The following CHMP5 variants were observed in gnomAD, a reference collection of about 807,000 sequenced individuals.
The protein encoded by CHMP5 is charged multivesicular body protein 5.
A neutral mutation model predicts 33.0 loss-of-function variants in CHMP5; 17 were observed. The observed-to-expected ratio is 0.52, with a 90% CI of 0.35 to 0.77. The LOEUF is 0.77. Among genes scored for constraint, CHMP5 ranks in the 30% least tolerant of loss-of-function variants. The pLI is 0.01. For synonymous variants in CHMP5, 76 were observed against 90.2 expected (o/e 0.84, Z 0.89); for missense variants, 216 against 261.5 (o/e 0.83, Z 1.20).
intron 5 of CHMP5, among the ~76,000 whole-genome samples, chr9:33,272,787 A>G (rs982184518): frequency 3.3e-5 from 5 of 151,762 alleles, no homozygotes; most frequent in Non-Finnish European, 7.4e-5. Flanking sequence ...GCGACAGAGC[A>G]AGACTCCGTC....
chr9:33,269,641 C>G (rs2118020396), intron 3 of CHMP5, among the ~76,000 whole-genome samples: 1 of 152,282 alleles, frequency 6.6e-6, no homozygotes, highest in South Asian at 2.1e-4. Flanking sequence ...AATTTCACTT[C>G]TGTATATTTA....
At position 33,271,237 on chromosome 9, in the gene CHMP5, T is replaced by A. The variant is rs1251078673; in HGVS notation, c.387+14T>A. On this transcript the variant is annotated intron_variant, in intron 5 of 7. Coordinates refer to ENST00000223500, the MANE Select transcript of CHMP5 (RefSeq NM_016410.6). ...GACCAGATTGAGGTGAGACATATGC[T>A]AGTTTCTGCAAGAATGTGCACTAGT... is the stretch of plus-strand genomic sequence containing the variant. 6.2e-7 allele frequency: 1 copy of A among 1,605,274 alleles called. No individual in the cohort carries two copies. The highest frequency in any genetic ancestry group is 1.1e-5 in the South Asian group (1 of 90,856).
At chr9:33,279,080 A>C (rs1003176834) in intron 7 of CHMP5, among the ~76,000 whole-genome samples, 1 of 152,126 alleles carries the variant, frequency 6.6e-6, no homozygotes, top group Non-Finnish European at 1.5e-5. Flanking sequence ...GCGCGCCAAC[A>C]TGCCTGGCTA....
At chr9:33,275,258 A>G (rs1334640160) in intron 5 of CHMP5, among the ~76,000 whole-genome samples, 1 of 152,216 alleles carries the variant, frequency 6.6e-6, no homozygotes, top group Non-Finnish European at 1.5e-5. Flanking sequence ...TTTGGTATAG[A>G]CAGACATCCT....
intron 2 of CHMP5, among the ~76,000 whole-genome samples, chr9:33,267,225 C>T (rs990980692): frequency 2.0e-5 from 3 of 152,174 alleles, no homozygotes; most frequent in Non-Finnish European, 4.4e-5. Context: ...GAAGGCTTTT[C>T]CCAGCCATCT....
At chr9:33,274,761 G>T (rs374992133) in intron 5 of CHMP5, among the ~76,000 whole-genome samples, 1 of 152,036 alleles carries the variant, frequency 6.6e-6, no homozygotes, top group South Asian at 2.1e-4. Context: ...GATTACAGGC[G>T]CATGCCACCA....
chr9:33,269,699 G>T (rs992987486), intron 3 of CHMP5, among the ~76,000 whole-genome samples: 6 of 152,156 alleles, frequency 3.9e-5, no homozygotes, highest in Non-Finnish European at 8.8e-5. Flanking sequence ...AGCAGGCCGG[G>T]TGCGGTGGCT....
At chr9:33,270,772 C>A in intron 4 of CHMP5, 56 bp downstream of exon 4, 3 of 1,417,794 alleles carry the variant, frequency 2.1e-6, no homozygotes, top group South Asian at 2.3e-5. Flanking sequence ...ATTCTCTTTT[C>A]CGATGGCTTT....
rs199564550 is a variant in CHMP5, at chr9:33,276,567, A to G, written c.496+3A>G. On this transcript the variant is annotated splice_donor_region_variant and intron_variant, in intron 6 of 7. Coordinates refer to ENST00000223500, the MANE Select transcript of CHMP5 (RefSeq NM_016410.6). ...GGATGAAGATGATTTAGAAGCAGGT[A>G]AGTTATGAGAAAAGTAATGTATATT... The G allele has an allele frequency of 1.7e-5, 26 of 1,533,366 alleles. No homozygotes were observed. Among genetic ancestry groups the G allele is most frequent in the Middle Eastern group, 3.4e-4 (2 of 5,954 alleles). 95.0% of individuals were successfully genotyped at this position (1,533,366 alleles called of 1,614,324 possible). A position where few individuals can be genotyped will look rare whatever the true frequency, so the allele number is the denominator to read the frequency against.
intron 4 of CHMP5, 81 bp from the exon 5 acceptor site, chr9:33,271,071 C>CAAAT (rs1034537668): frequency 1.7e-4 from 201 of 1,155,320 alleles, no homozygotes; most frequent in Admixed American, 9.4e-4. Flanking sequence ...AACTCTGTCT[C>CAAAT]AAATAAATAA....
At chr9:33,266,436 C>T (rs952134652) in intron 2 of CHMP5, among the ~76,000 whole-genome samples, 16 of 152,168 alleles carry the variant, frequency 1.1e-4, no homozygotes, top group South Asian at 4.1e-4. Flanking sequence ...CACACCATAG[C>T]ACTCTAGCCC....
At chr9:33,273,272 A>G (rs1820816409) in intron 5 of CHMP5, among the ~76,000 whole-genome samples, 1 of 147,154 alleles carries the variant, frequency 6.8e-6, no homozygotes, top group Non-Finnish European at 1.5e-5. Flanking sequence ...ACTCCCAGCC[A>G]TTTTTTTTTT....
At chr9:33,267,956 T>A (rs1820747485) in intron 3 of CHMP5, 57 bp downstream of exon 3, 2 of 1,151,840 alleles carry the variant, frequency 1.7e-6, no homozygotes, top group East Asian at 4.7e-5. Flanking sequence ...AGAAATGGTC[T>A]TCCATTCCTT....
intron 3 of CHMP5, among the ~76,000 whole-genome samples, chr9:33,269,474 A>G (rs1820767826): frequency 6.6e-6 from 1 of 152,146 alleles, no homozygotes. Flanking sequence ...ACTATACTCC[A>G]GCCTGGGCAA....
intron 2 of CHMP5, among the ~76,000 whole-genome samples, chr9:33,266,812 C>T (rs1820733216): frequency 6.6e-6 from 1 of 152,178 alleles, no homozygotes; most frequent in Non-Finnish European, 1.5e-5. Context: ...CTGAACTAGG[C>T]ATCTGGGACC....
chr9:33,266,965 C>T (rs1820734835), intron 2 of CHMP5, among the ~76,000 whole-genome samples: 1 of 152,138 alleles, frequency 6.6e-6, no homozygotes, highest in African/African-American at 2.4e-5. Flanking sequence ...TTTCCAGATC[C>T]ATAACTTATT....
chr9:33,271,418 C>T (rs1446682845), intron 5 of CHMP5, among the ~76,000 whole-genome samples, 195 bp downstream of exon 5: 1 of 152,210 alleles, frequency 6.6e-6, no homozygotes, highest in Non-Finnish European at 1.5e-5. Flanking sequence ...CATACAGTTA[C>T]AGACAGTCCC....
At position 33,280,059 on chromosome 9, in the gene CHMP5, C is replaced by A. The variant is rs1036488444; in HGVS notation, c.610-750C>A. Among the ~76,000 whole-genome samples, 3 of 151,920 alleles carry A rather than the reference C, an allele frequency of 2.0e-5. No individual in the cohort carries two copies. The East Asian group carries it at 5.8e-4, about 30-fold the overall frequency. On this transcript the variant is annotated intron_variant, in intron 7 of 7. Coordinates refer to ENST00000223500, the MANE Select transcript of CHMP5 (RefSeq NM_016410.6). ...GTGGCACAATCTCAGCTCACTGCAA[C>A]CTCCACCCCCGGATTCAAGCAATCC...
At position 33,273,215 on chromosome 9, in the gene CHMP5, G is replaced by A. The variant is rs111950994; in HGVS notation, c.387+1992G>A. Among the ~76,000 whole-genome samples, 7 of 150,836 alleles carry A rather than the reference G, an allele frequency of 4.6e-5. No individual in the cohort carries two copies. In the East Asian group the frequency reaches 1.2e-3, roughly 25 times the overall value. ...TCAAACTCCTGACCTCAAGTGATCC[G>A]CCCACCTCGGCCTCCCAAAGTGCTG... On this transcript the variant is annotated intron_variant, in intron 5 of 7. Coordinates refer to ENST00000223500, the MANE Select transcript of CHMP5 (RefSeq NM_016410.6).
Sources: allele counts gnomAD v4.1 joint callset (sites outside exome capture counted in the v4.1 genomes callset), GRCh38; gene constraint gnomAD v4.1.1; transcripts MANE v1.5; gene names NCBI Gene and HGNC (gene_info 2026-07-23, HGNC 2026-07-21).